TENM4: variants seen among roughly 807,000 people sequenced by gnomAD.
The protein encoded by TENM4 is teneurin transmembrane protein 4.
Under a neutral mutation model 243.3 loss-of-function variants are expected in TENM4, and 82 were observed. That is an observed-to-expected ratio of 0.34 (90% CI 0.28 to 0.40). The LOEUF (loss-of-function observed/expected upper bound fraction) is 0.40. Ranked by LOEUF, TENM4 falls within the 10% of genes least tolerant of loss-of-function variation. The pLI is 1.00. For synonymous variants in TENM4, 1,412 were observed against 1,456.3 expected (o/e 0.97, Z 0.69); for missense variants, 3,138 against 3,673.3 (o/e 0.85, Z 3.77).
intron 1 of TENM4, among the ~76,000 whole-genome samples, chr11:79,401,243 G>A (rs2135556324): frequency 6.6e-6 from 1 of 152,262 alleles, no homozygotes; most frequent in East Asian, 1.9e-4. Flanking sequence ...ATGTATGCAA[G>A]CCTTGTGCTA....
At chr11:78,698,961 C>T (rs952497899) in intron 28 of TENM4, among the ~76,000 whole-genome samples, 7 of 152,202 alleles carry the variant, frequency 4.6e-5, no homozygotes, top group African/African-American at 1.7e-4. Context: ...TTCTTGATCT[C>T]TCATATTTGA....
chr11:79,341,798 G>T (rs1213064142), intron 1 of TENM4, among the ~76,000 whole-genome samples: 1 of 152,186 alleles, frequency 6.6e-6, no homozygotes, highest in Non-Finnish European at 1.5e-5. Context: ...ATGACCTAAA[G>T]CACATTATTT....
chr11:79,052,198 G>A (rs1016574906), intron 6 of TENM4, among the ~76,000 whole-genome samples: 3 of 152,140 alleles, frequency 2.0e-5, no homozygotes, highest in Non-Finnish European at 2.9e-5. Flanking sequence ...GAATTGCCAC[G>A]CTGTCTTCCA....
chr11:79,319,040 C>A (rs1385148444), intron 1 of TENM4, among the ~76,000 whole-genome samples: 1 of 152,188 alleles, frequency 6.6e-6, no homozygotes, highest in Non-Finnish European at 1.5e-5. Context: ...GTGCTGAAAG[C>A]TTTGCCTGCA....
rs1425111199 is a variant in TENM4, at chr11:79,138,718, C to T, written c.-66+9992G>A. 3.3e-4 allele frequency among the ~76,000 whole-genome samples: 35 copies of T among 104,872 alleles called. 1 individual carries two copies. The highest frequency in any genetic ancestry group is 1.2e-3 in the African/African-American group (30 of 25,308). 68.8% of individuals were successfully genotyped at this position (104,872 alleles called of 152,430 possible). A position where few individuals can be genotyped will look rare whatever the true frequency, so the allele number is the denominator to read the frequency against. On this transcript the variant is annotated intron_variant, in intron 4 of 33. Transcript: ENST00000278550. ...TATTTATATAAATACATAAAACATA[C>T]ATTATATTTATATAAATACATAAAA...
chr11:78,687,920 T>C, intron 29 of TENM4, 134 bp downstream of exon 29: 2 of 1,039,350 alleles, frequency 1.9e-6, no homozygotes, highest in Admixed American at 5.5e-5. Context: ...GCAAATTAGG[T>C]GATAATACAG....
At chr11:79,064,232 A>G (rs1351979647) in intron 6 of TENM4, among the ~76,000 whole-genome samples, 1 of 152,196 alleles carries the variant, frequency 6.6e-6, no homozygotes, top group African/African-American at 2.4e-5. Flanking sequence ...CCCTTTGACA[A>G]CATCTTCCCT....
intron 6 of TENM4, among the ~76,000 whole-genome samples, chr11:79,051,881 T>C (rs900930602): frequency 1.3e-5 from 2 of 152,232 alleles, no homozygotes; most frequent in Admixed American, 6.5e-5. Flanking sequence ...TGTCTGATTT[T>C]CCATTTCTGC....
chr11:78,673,122 C>T, intron 30 of TENM4, among the ~76,000 whole-genome samples: 1 of 152,050 alleles, frequency 6.6e-6, no homozygotes, highest in Non-Finnish European at 1.5e-5. Flanking sequence ...ATAAACTCCA[C>T]CTGGACTGCT....
intron 18 of TENM4, among the ~76,000 whole-genome samples, chr11:78,760,123 G>T (rs1247437831): frequency 6.6e-6 from 1 of 152,156 alleles, no homozygotes; most frequent in African/African-American, 2.4e-5. Flanking sequence ...ATCAGGGGTT[G>T]TCTGATTCAT....
At chr11:78,789,322 C>T (rs879313558) in intron 15 of TENM4, among the ~76,000 whole-genome samples, 8 of 152,136 alleles carry the variant, frequency 5.3e-5, no homozygotes, top group Non-Finnish European at 7.4e-5. Context: ...GACAGGGCTG[C>T]GGAGCTATGT....
chr11:79,419,382 C>T lies in TENM4; in HGVS notation c.-321+21127G>A, dbSNP rs555879283. Among the ~76,000 whole-genome samples, 7 of 152,286 alleles carry T rather than the reference C, an allele frequency of 4.6e-5. No individual in the cohort carries two copies. In the East Asian group the frequency reaches 7.7e-4, roughly 17 times the overall value. ...TTCACACCCACAGGTAAGAGGTCAG[C>T]TCCCTTCCTCCATGTTCCCAATGGC... On this transcript the variant is annotated intron_variant, in intron 1 of 33. Coordinates refer to ENST00000278550, the MANE Select transcript of TENM4 (RefSeq NM_001098816.3).
At chr11:79,131,291 A>T (rs1174104867) in intron 4 of TENM4, among the ~76,000 whole-genome samples, 1 of 152,218 alleles carries the variant, frequency 6.6e-6, no homozygotes, top group Non-Finnish European at 1.5e-5. Context: ...AACACGAGGT[A>T]ACCTATAAGG....
At chr11:79,138,234 C>T (rs374337804) in intron 4 of TENM4, among the ~76,000 whole-genome samples, 56 of 146,218 alleles carry the variant, frequency 3.8e-4, no homozygotes, top group East Asian at 1.4e-3. Flanking sequence ...TGGACTGGCT[C>T]GCTTTGCTCT....
chr11:79,129,161 A>T (rs1861944498), intron 4 of TENM4, among the ~76,000 whole-genome samples: 1 of 152,166 alleles, frequency 6.6e-6, no homozygotes, highest in South Asian at 2.1e-4. Context: ...AACTAAGCCA[A>T]TTTAGAGAGC....
intron 4 of TENM4, among the ~76,000 whole-genome samples, chr11:79,122,079 G>T (rs1039774255): frequency 2.0e-5 from 3 of 152,136 alleles, no homozygotes; most frequent in East Asian, 1.9e-4. Flanking sequence ...GATTGCTGCT[G>T]GTTGGTGAGG....
At chr11:78,747,586 G>A (rs1017690911) in intron 19 of TENM4, among the ~76,000 whole-genome samples, 1 of 152,148 alleles carries the variant, frequency 6.6e-6, no homozygotes, top group African/African-American at 2.4e-5. Context: ...GGCACGAGGG[G>A]CTGGATCTCT....
intron 1 of TENM4, among the ~76,000 whole-genome samples, chr11:79,343,513 A>T (rs1425262403): frequency 1.3e-5 from 2 of 152,240 alleles, no homozygotes; most frequent in Admixed American, 1.3e-4. Context: ...GCATTAAAAA[A>T]GTAGCAATGT....
Position 78,771,016 on chromosome 11 carries a change from C to T in TENM4, c.2515G>A (p.Gly839Ser), listed in dbSNP as rs200778282. The change falls in exon 18 of 34, where the codon GGT becomes AGT. Residue 839 changes from glycine (G) to serine (S), a missense_variant. Gly to Ser is a moderately conservative substitution (Grantham distance 56, BLOSUM62 0). This residue lies in a region of TENM4 where 2,467 missense variants were observed against 3,059.1 expected (regional missense o/e 0.81). Coordinates refer to ENST00000278550, the MANE Select transcript of TENM4 (RefSeq NM_001098816.3). ...GCDTSMETAC[G>S]DSKDNDGDGL... ...CCTCCATCATTGTCTTTGCTGTCACCGCAGGCAGTCTCCATGGAAGTGTCA... is the reference window on the plus strand; with the variant it reads ...CCTCCATCATTGTCTTTGCTGTCACTGCAGGCAGTCTCCATGGAAGTGTCA... The T allele has an allele frequency of 2.1e-4, 331 of 1,584,604 alleles. 1 individual carries two copies. The African/African-American group carries it at 2.6e-3, about 12-fold the overall frequency.
Sources: allele counts gnomAD v4.1 joint callset (sites outside exome capture counted in the v4.1 genomes callset), GRCh38; gene constraint gnomAD v4.1.1; regional missense constraint gnomAD v4.1.1; transcripts MANE v1.5; gene names NCBI Gene and HGNC (gene_info 2026-07-23, HGNC 2026-07-21).